The following VGLL3 variants were observed in gnomAD, a reference collection of about 807,000 sequenced individuals.
VGLL3 encodes vestigial like family member 3.
VGLL3 carries 18 observed loss-of-function variants against 29.2 expected under a neutral mutation model. That is an observed-to-expected ratio of 0.62 (90% CI 0.43 to 0.91). The LOEUF is 0.91. Among genes scored for constraint, VGLL3 ranks in the 40% least tolerant of loss-of-function variants. The probability of loss-of-function intolerance (pLI) is 0.00; values close to 1 mark genes in which losing one functional copy is unlikely to be tolerated. For synonymous variants in VGLL3, 180 were observed against 151.8 expected, an observed-to-expected ratio of 1.19 and a Z score of -1.36; for missense variants, 440 against 413.2, an observed-to-expected ratio of 1.06 and a Z score of -0.56.
At chr3:86,984,542 G>A (rs958619976) in intron 1 of VGLL3, among the ~76,000 whole-genome samples, 4 of 152,196 alleles carry the variant, frequency 2.6e-5, no homozygotes, top group Admixed American at 2.0e-4. Flanking sequence ...ATCATATCAT[G>A]AGGGTATGTG....
intron 1 of VGLL3, among the ~76,000 whole-genome samples, chr3:86,987,637 T>C (rs1456972615): frequency 6.6e-6 from 1 of 152,158 alleles, no homozygotes; most frequent in Non-Finnish European, 1.5e-5. Flanking sequence ...TCACCCAGCA[T>C]CCCTCAGTAA....
Position 86,940,406 on chromosome 3 carries a change from C to G in VGLL3, c.*6618G>C, listed in dbSNP as rs1020261010. ...TTGCTGTTATGTAATTAATATACCCCATTTCATTTTCTTTTCCATTATAAA... is the reference window on the plus strand; with the variant it reads ...TTGCTGTTATGTAATTAATATACCCGATTTCATTTTCTTTTCCATTATAAA... On this transcript the variant is annotated 3_prime_UTR_variant, in exon 4 of 4. Transcript: ENST00000398399. The G allele has an allele frequency of 1.3e-5, 2 of 152,560 alleles. No individual in the cohort carries two copies. The highest frequency in any genetic ancestry group is 2.9e-5 in the Non-Finnish European group (2 of 68,002). The allele number at this position is 152,560 out of a possible 1,614,324, so 9.5% of individuals were successfully genotyped here. A position where few individuals can be genotyped will look rare whatever the true frequency, so the allele number is the denominator to read the frequency against.
intron 1 of VGLL3, 44 bp from the exon 2 acceptor site, chr3:86,978,846 G>T (rs1705267988): frequency 1.3e-6 from 2 of 1,514,692 alleles, no homozygotes; most frequent in African/African-American, 2.8e-5. Flanking sequence ...ACAGTTTGTA[G>T]AAAAGCATTC....
chr3:86,985,441 C>T (rs1705421009), intron 1 of VGLL3, among the ~76,000 whole-genome samples: 1 of 152,212 alleles, frequency 6.6e-6, no homozygotes, highest in Non-Finnish European at 1.5e-5. Flanking sequence ...GAATTTAAGT[C>T]ATTCTTCTTT....
chr3:86,968,730 G>A lies in VGLL3; in HGVS notation c.797C>T (p.Ser266Leu). 1 of 1,614,178 alleles carries A rather than the reference G, an allele frequency of 6.2e-7. No individual in the cohort carries two copies. Among genetic ancestry groups the A allele is most frequent in the Non-Finnish European group, 8.5e-7 (1 of 1,180,044 alleles). Residue 266 changes from serine (S) to leucine (L), a missense_variant, in exon 3 of 4, where the codon TCA (serine) becomes TTA (leucine). Coordinates refer to ENST00000398399, the MANE Select transcript of VGLL3 (RefSeq NM_016206.4). ...DPSYGPLLMP[S>L]VHAARIPAPQ... ...AGCAGGAATCCTGGCCGCATGCACT[G>A]AAGGCATCAGCAGAGGCCCATAGGA...
intron 3 of VGLL3, among the ~76,000 whole-genome samples, 171 bp from the exon 4 acceptor site, chr3:86,947,238 C>T (rs1704527609): frequency 6.6e-6 from 1 of 152,140 alleles, no homozygotes; most frequent in African/African-American, 2.4e-5. Flanking sequence ...CTGGAGCTCA[C>T]AATTTTCAAA....
chr3:86,939,801 G>A lies in VGLL3; in HGVS notation c.*7223C>T, dbSNP rs1704355842. The stretch of plus-strand genomic sequence containing the variant: ...GTGAGAAGGTCTTGACCAGGTTGCT[G>A]GATTTGAAGATGGAAGGAAACTAAG... On this transcript the variant is annotated 3_prime_UTR_variant, in exon 4 of 4. Coordinates refer to ENST00000398399, the MANE Select transcript of VGLL3 (RefSeq NM_016206.4). The A allele has an allele frequency of 6.6e-6, 1 of 152,210 alleles. No individual in the cohort carries two copies. Among genetic ancestry groups the A allele is most frequent in the Non-Finnish European group, 1.5e-5 (1 of 68,100 alleles). The allele number at this position is 152,210 out of a possible 1,614,324, so 9.4% of individuals were successfully genotyped here.
At chr3:86,986,186 C>T (rs529105651) in intron 1 of VGLL3, among the ~76,000 whole-genome samples, 10 of 152,174 alleles carry the variant, frequency 6.6e-5, no homozygotes, top group East Asian at 1.9e-4. Flanking sequence ...TTGCCATCTC[C>T]GGCTTTGTGA....
At chr3:86,968,446 A>G in intron 3 of VGLL3, 144 bp downstream of exon 3, 1 of 960,362 alleles carries the variant, frequency 1.0e-6, no homozygotes, top group Non-Finnish European at 1.5e-6. Context: ...GGAATGCAGA[A>G]ATTATTGCAA....
Position 86,968,855 on chromosome 3 carries a change from G to A in VGLL3, c.672C>T (p.Asp224=), listed in dbSNP as rs761494283. Residue 224 remains aspartate (D), a synonymous_variant, in exon 3 of 4, where the codon GAC becomes GAT. Transcript: ENST00000398399. ...GAGGGTGGTGGTGCCGCATGTACAC[G>A]TCATGCATATGGCTGTAGGATGGGC... ...QVSPSYSHMH[D]VYMRHHHPHA... is the part of the protein sequence containing the mutation. 3.8e-5 allele frequency: 61 copies of A among 1,614,038 alleles called. No homozygotes were observed. Among genetic ancestry groups the A allele is most frequent in the Admixed American group, 1.3e-4 (8 of 60,000 alleles).
intron 1 of VGLL3, among the ~76,000 whole-genome samples, chr3:86,981,227 A>C (rs1197008596): frequency 6.6e-6 from 1 of 152,124 alleles, no homozygotes; most frequent in Non-Finnish European, 1.5e-5. Flanking sequence ...TCGATATTTT[A>C]AAATCCATTA....
At chr3:86,959,774 A>G (rs1018012596) in intron 3 of VGLL3, among the ~76,000 whole-genome samples, 2 of 152,140 alleles carry the variant, frequency 1.3e-5, no homozygotes, top group African/African-American at 2.4e-5. Flanking sequence ...AACATATCGT[A>G]ACTAACTTTT....
chr3:86,949,783 T>C lies in VGLL3; in HGVS notation c.938-2716A>G, dbSNP rs28420270. On this transcript the variant is annotated intron_variant, in intron 3 of 3. Coordinates refer to ENST00000398399, the MANE Select transcript of VGLL3 (RefSeq NM_016206.4). Reference sequence around the variant, plus strand: ...CAGAGCTCACAGTGAGCCGAGATCATGCCACTGCACTCCAGCCTGGGTGAC... The same window carrying C: ...CAGAGCTCACAGTGAGCCGAGATCACGCCACTGCACTCCAGCCTGGGTGAC... Among the ~76,000 whole-genome samples, 1,096 of 143,334 alleles carry C rather than the reference T, an allele frequency of 7.6e-3. 12 individuals are homozygous for C. Among genetic ancestry groups the C allele is most frequent in the African/African-American group, 0.023 (864 of 38,050 alleles). 94.0% of individuals were successfully genotyped at this position (143,334 alleles called of 152,430 possible).
At chr3:86,982,423 G>A (rs1384521055) in intron 1 of VGLL3, among the ~76,000 whole-genome samples, 2 of 151,864 alleles carry the variant, frequency 1.3e-5, no homozygotes, top group Non-Finnish European at 2.9e-5. Flanking sequence ...TGGGATTACA[G>A]GCATGAGCCA....
chr3:86,978,850 A>G, intron 1 of VGLL3, 48 bp from the exon 2 acceptor site: 2 of 1,505,782 alleles, frequency 1.3e-6, no homozygotes, highest in Non-Finnish European at 1.8e-6. Context: ...TTTGTAGAAA[A>G]GCATTCACTA....
chr3:86,988,176 AT>A (rs1476738149), intron 1 of VGLL3, among the ~76,000 whole-genome samples: 2 of 152,216 alleles, frequency 1.3e-5, no homozygotes, highest in East Asian at 1.9e-4. Flanking sequence ...CTTTTCTAGC[AT>A]TTTTTAAATG....
At position 86,975,969 on chromosome 3, in the gene VGLL3, C is replaced by A. The variant is rs1392253250; in HGVS notation, c.403+2557G>T. Among the ~76,000 whole-genome samples, 6 of 152,098 alleles carry A rather than the reference C, an allele frequency of 3.9e-5. No individual in the cohort carries two copies. In the East Asian group the frequency reaches 9.7e-4, roughly 24 times the overall value. Reference sequence around the variant, plus strand: ...TCTACCAAAAAAATACAAAAATTAGCTGGGCATGGTGGAGGGTCCCTGTAA... The same window carrying A: ...TCTACCAAAAAAATACAAAAATTAGATGGGCATGGTGGAGGGTCCCTGTAA... On this transcript the variant is annotated intron_variant, in intron 2 of 3. Coordinates refer to ENST00000398399, the MANE Select transcript of VGLL3 (RefSeq NM_016206.4).
At chr3:86,990,559 C>A in intron 1 of VGLL3, 59 bp downstream of exon 1, 1 of 1,311,440 alleles carries the variant, frequency 7.6e-7, no homozygotes, top group Non-Finnish European at 9.8e-7. Flanking sequence ...GAGCCCCAGA[C>A]CGATACTCTC....
At chr3:86,977,332 C>A (rs1369550527) in intron 2 of VGLL3, among the ~76,000 whole-genome samples, 3 of 152,072 alleles carry the variant, frequency 2.0e-5, no homozygotes, top group African/African-American at 7.2e-5. Context: ...CCCAGCAATT[C>A]CATGTGGCCA....
Sources: gnomAD v4.1 joint callset for allele counts (sites outside exome capture counted in the v4.1 genomes callset) on GRCh38, gnomAD v4.1.1 for gene constraint, MANE v1.5 for transcripts, NCBI Gene and HGNC (gene_info 2026-07-23, HGNC 2026-07-21) for gene names.